Variants in PAK1 observed in about 807,000 individuals in gnomAD.
PAK1 encodes serine/threonine-protein kinase PAK 1.
PAK1 carries 29 observed loss-of-function variants against 67.4 expected under a neutral mutation model. The ratio of observed to expected loss-of-function variants is 0.43; its 90% CI spans 0.32 to 0.59. PAK1 has a LOEUF of 0.59. Ranked by LOEUF, PAK1 falls within the 20% of genes least tolerant of loss-of-function variation. The pLI is 0.07. For synonymous variants in PAK1, 223 were observed against 237.4 expected (o/e 0.94, Z 0.56); for missense variants, 337 against 670.7 (o/e 0.50, Z 5.50).
chr11:77,416,415 AGT>A (rs1954955572), intron 1 of PAK1, among the ~76,000 whole-genome samples: 1 of 152,052 alleles, frequency 6.6e-6, no homozygotes, highest in South Asian at 2.1e-4. Flanking sequence ...TGTCAATATT[AGT>A]GTCTTTCACC....
At chr11:77,489,705 C>T in the PAK1 span, among the ~76,000 whole-genome samples, 3 of 151,452 alleles carry the variant, frequency 2.0e-5, no homozygotes, top group Admixed American at 6.5e-5. Flanking sequence ...CCAGCCTCGG[C>T]CTCCCGAGGT....
chr11:77,510,658 A>G, the PAK1 span, among the ~76,000 whole-genome samples: 1 of 152,204 alleles, frequency 6.6e-6, no homozygotes, highest in Admixed American at 6.5e-5. Context: ...GTTCTTTGCA[A>G]TTGATAATTT....
chr11:77,499,114 T>C, the PAK1 span, among the ~76,000 whole-genome samples: 3 of 148,902 alleles, frequency 2.0e-5, no homozygotes, highest in Non-Finnish European at 3.0e-5. Context: ...TTCATATTAA[T>C]GAGTGATACC....
At chr11:77,385,299 G>A (rs1313597047) in intron 2 of PAK1, among the ~76,000 whole-genome samples, 1 of 152,200 alleles carries the variant, frequency 6.6e-6, no homozygotes, top group Non-Finnish European at 1.5e-5. Context: ...ATGTGCTCAT[G>A]TACGTGAATA....
chr11:77,331,558 T>C (rs1331716876), intron 14 of PAK1, among the ~76,000 whole-genome samples: 7 of 152,146 alleles, frequency 4.6e-5, no homozygotes, highest in African/African-American at 1.4e-4. Context: ...CACTGCATGT[T>C]CTCACTCATA....
At chr11:77,479,543 G>A (rs762888995), upstream of PAK1, among the ~76,000 whole-genome samples, 4 of 151,360 alleles carry the variant, frequency 2.6e-5, no homozygotes, top group Non-Finnish European at 5.9e-5. Context: ...GTGTACACAC[G>A]AAGGCTGGAG....
At chr11:77,349,837 C>T (rs550714478) in intron 8 of PAK1, among the ~76,000 whole-genome samples, 3 of 151,290 alleles carry the variant, frequency 2.0e-5, no homozygotes, top group Admixed American at 6.6e-5. Flanking sequence ...AGGGGCCCTG[C>T]GGAGAATTTC....
At chr11:77,512,008 C>A in the PAK1 span, among the ~76,000 whole-genome samples, 1 of 152,162 alleles carries the variant, frequency 6.6e-6, no homozygotes, top group African/African-American at 2.4e-5. Context: ...TTCAGGGCAC[C>A]TTAACCCCTT....
At chr11:77,362,387 T>C (rs1328768967) in intron 5 of PAK1, among the ~76,000 whole-genome samples, 1 of 152,188 alleles carries the variant, frequency 6.6e-6, no homozygotes, top group Non-Finnish European at 1.5e-5. Context: ...TTGATTTTCT[T>C]TTTTCTTTTT....
intron 9 of PAK1, among the ~76,000 whole-genome samples, chr11:77,346,664 C>T (rs974075239): frequency 2.6e-5 from 4 of 152,162 alleles, no homozygotes; most frequent in Non-Finnish European, 5.9e-5. Context: ...ACTCTCCCAC[C>T]GCTACTGTTT....
At chr11:77,513,433 C>T in the PAK1 span, among the ~76,000 whole-genome samples, 1 of 152,164 alleles carries the variant, frequency 6.6e-6, no homozygotes, top group East Asian at 1.9e-4. Flanking sequence ...GTTTAAGAGG[C>T]TGAGGCAGGC....
intron 1 of PAK1, among the ~76,000 whole-genome samples, chr11:77,407,460 T>C (rs1953767806): frequency 6.6e-6 from 1 of 152,220 alleles, no homozygotes; most frequent in Admixed American, 6.5e-5. Context: ...GTGTCTATAC[T>C]GAGTGCCTAT....
chr11:77,357,043 A>C (rs1240060011), intron 6 of PAK1, among the ~76,000 whole-genome samples: 4 of 152,340 alleles, frequency 2.6e-5, no homozygotes, highest in South Asian at 2.1e-4. Flanking sequence ...TTACTAAAAG[A>C]AAGCAAGCAT....
chr11:77,473,776 G>T lies in PAK1; in HGVS notation c.-246C>A, dbSNP rs1309887475. 6.6e-6 allele frequency: 1 copy of T among 150,686 alleles called. No homozygotes were observed. Among genetic ancestry groups the T allele is most frequent in the Non-Finnish European group, 1.5e-5 (1 of 67,594 alleles). 9.3% of individuals were successfully genotyped at this position (150,686 alleles called of 1,614,324 possible). A position where few individuals can be genotyped will look rare whatever the true frequency, so the allele number is the denominator to read the frequency against. On this transcript the variant is annotated 5_prime_UTR_variant, in exon 1 of 15. Transcript: ENST00000356341. ...GAGCGAGGCGACGCGGGCGGGGGGG[G>T]AAGGGGGGACTGAGGGGCGAGGTGC...
rs368298600 is a variant in PAK1 at position 77,368,799 on chromosome 11, G to A, written c.477+5529C>T. Among the ~76,000 whole-genome samples, 80 of 152,250 alleles carry A rather than the reference G, an allele frequency of 5.3e-4. 2 individuals carry two copies. The South Asian group carries it at 0.013, about 25-fold the overall frequency. On this transcript the variant is annotated intron_variant, in intron 5 of 14. Coordinates refer to ENST00000356341, the MANE Select transcript of PAK1 (RefSeq NM_002576.5). ...GGCCTCCTGAGTAGCTGGGATTACA[G>A]GCACACAACACCAAGCCCAGCTAAT...
At chr11:77,377,279 G>A (rs1015169987) in intron 4 of PAK1, among the ~76,000 whole-genome samples, 2 of 152,046 alleles carry the variant, frequency 1.3e-5, no homozygotes, top group African/African-American at 4.8e-5. Context: ...TCACATGTGA[G>A]CATATACAAA....
chr11:77,391,561 G>C (rs1288730221), intron 2 of PAK1, among the ~76,000 whole-genome samples: 1 of 152,038 alleles, frequency 6.6e-6, no homozygotes, highest in Non-Finnish European at 1.5e-5. Flanking sequence ...CAAATATAAG[G>C]AGAACTTTAC....
Position 77,426,166 on chromosome 11 carries a change from G to A in PAK1, c.-21-33625C>T, listed in dbSNP as rs150406033. Among the ~76,000 whole-genome samples the A allele has an allele frequency of 6.5e-3, 983 of 150,258 alleles. 4 individuals carry two copies. Among genetic ancestry groups the A allele is most frequent in the Non-Finnish European group, 9.5e-3 (645 of 67,844 alleles). On this transcript the variant is annotated intron_variant, in intron 1 of 14. Coordinates refer to ENST00000356341, the MANE Select transcript of PAK1 (RefSeq NM_002576.5). Reference sequence around the variant, plus strand: ...AGGAGTCTCAGACTAGGAGTCAGAGGTCTCTGTTTTCAGACAAGCCACTCA... The same window carrying A: ...AGGAGTCTCAGACTAGGAGTCAGAGATCTCTGTTTTCAGACAAGCCACTCA...
chr11:77,377,343 A>G (rs530061042), intron 4 of PAK1, among the ~76,000 whole-genome samples: 3 of 152,278 alleles, frequency 2.0e-5, no homozygotes, highest in Non-Finnish European at 4.4e-5. Flanking sequence ...TAGGGAAAGG[A>G]GAGATATGAC....
Sources: allele counts gnomAD v4.1 joint callset (sites outside exome capture counted in the v4.1 genomes callset), GRCh38; gene constraint gnomAD v4.1.1; transcripts MANE v1.5; gene names NCBI Gene and HGNC (gene_info 2026-07-23, HGNC 2026-07-21).